The following LARP4B variants were observed in gnomAD, a reference collection of about 807,000 sequenced individuals.
LARP4B encodes la-related protein 4B.
In LARP4B, 12 loss-of-function variants were observed where a neutral mutation model predicts 89.8. The ratio of observed to expected loss-of-function variants is 0.13; its 90% confidence interval spans 0.09 to 0.22. The LOEUF (loss-of-function observed/expected upper bound fraction) is 0.22. Ranked by LOEUF, LARP4B falls within the 10% of genes least tolerant of loss-of-function variation. The pLI is 1.00. For synonymous variants in LARP4B, 367 were observed against 363.3 expected (o/e 1.01, Z -0.12); for missense variants, 757 against 947.7 (o/e 0.80, Z 2.64).
intron 5 of LARP4B, among the ~76,000 whole-genome samples, chr10:863,222 T>C (rs1034853544): frequency 7.0e-6 from 1 of 143,710 alleles, no homozygotes; most frequent in African/African-American, 2.5e-5. Flanking sequence ...ACTAAATAGG[T>C]TTCATTTTTT....
At position 818,021 on chromosome 10, in the gene LARP4B, C is replaced by T. The variant is rs1832154499; in HGVS notation, c.1531-132G>A. 4 of 874,508 alleles carry T rather than the reference C, an allele frequency of 4.6e-6. No individual in the cohort carries two copies. In the South Asian group the frequency reaches 7.2e-5, roughly 16 times the overall value. The allele number at this position is 874,508 out of a possible 1,614,324, so 54.2% of individuals were successfully genotyped here. On this transcript the variant is annotated intron_variant, in intron 14 of 17. Transcript: ENST00000316157. ...CAACCCAGACAAGGGCTTCCTCACT[C>T]AATTGAAGGTTCTCCCAAGCAACTT... is the stretch of plus-strand genomic sequence containing the variant.
At chr10:988,286 A>G in the LARP4B span, 3 of 582,244 alleles carry the variant, frequency 5.2e-6, no homozygotes, top group Non-Finnish European at 9.3e-6. Flanking sequence ...AGGCCCTCAC[A>G]CGCCCTCCGT....
intron 5 of LARP4B, among the ~76,000 whole-genome samples, chr10:853,436 C>T (rs1428622465): frequency 6.6e-6 from 1 of 152,194 alleles, no homozygotes; most frequent in Non-Finnish European, 1.5e-5. Context: ...GCAATCCCAG[C>T]ACTTTGGGAG....
At chr10:933,739 G>A (rs1003400319), upstream of LARP4B, among the ~76,000 whole-genome samples, 1 of 152,072 alleles carries the variant, frequency 6.6e-6, no homozygotes, top group African/African-American at 2.4e-5. Context: ...TTACCTCCAC[G>A]GATAACCTAC....
At chr10:913,615 T>C (rs913355583) in intron 1 of LARP4B, among the ~76,000 whole-genome samples, 1 of 152,246 alleles carries the variant, frequency 6.6e-6, no homozygotes, top group Admixed American at 6.5e-5. Context: ...TAACTTTGTT[T>C]AATGAACTAT....
chr10:983,528 C>T, the LARP4B span, among the ~76,000 whole-genome samples: 1 of 152,180 alleles, frequency 6.6e-6, no homozygotes. Context: ...CTCTTCCTGG[C>T]TTGTGGAAAG....
the LARP4B span, among the ~76,000 whole-genome samples, chr10:943,766 AGGAGGGCCCGGGTCG>A: frequency 6.6e-6 from 1 of 151,820 alleles, no homozygotes; most frequent in African/African-American, 2.4e-5. Flanking sequence ...GGCCCAGGTC[AGGAGGGCCCGGGTCG>A]GGAGGGCCCG....
At chr10:858,229 C>G (rs942147803) in intron 5 of LARP4B, among the ~76,000 whole-genome samples, 2 of 152,034 alleles carry the variant, frequency 1.3e-5, no homozygotes, top group Non-Finnish European at 2.9e-5. Context: ...AAGAGAGGGC[C>G]GAGAAAGAAA....
chr10:845,109 G>A, intron 5 of LARP4B, 54 bp from the exon 6 acceptor site: 2 of 1,332,114 alleles, frequency 1.5e-6, no homozygotes, highest in East Asian at 2.3e-5. Context: ...TTAGGAAGCA[G>A]ATAATTCAGT....
At chr10:842,279 C>A (rs1015280213) in intron 7 of LARP4B, among the ~76,000 whole-genome samples, 2 of 151,948 alleles carry the variant, frequency 1.3e-5, no homozygotes, top group Non-Finnish European at 2.9e-5. Context: ...CTAACTGCAA[C>A]CTCCGCCTCC....
the LARP4B span, among the ~76,000 whole-genome samples, chr10:952,390 A>G: frequency 2.0e-5 from 3 of 146,900 alleles, no homozygotes; most frequent in African/African-American, 7.5e-5. Flanking sequence ...GTCCAGAACC[A>G]ACTGCATAAC....
chr10:876,311 C>A (rs1390720818), intron 3 of LARP4B, among the ~76,000 whole-genome samples: 1 of 151,854 alleles, frequency 6.6e-6, no homozygotes, highest in African/African-American at 2.4e-5. Context: ...TTGAACCCAG[C>A]GGGTCAGAGG....
At chr10:975,832 G>A in the LARP4B span, among the ~76,000 whole-genome samples, 3 of 149,404 alleles carry the variant, frequency 2.0e-5, no homozygotes, top group South Asian at 2.1e-4. Context: ...CTCGCGCAAC[G>A]TGTGGACCCG....
chr10:824,554 A>G (rs921736127), intron 13 of LARP4B, among the ~76,000 whole-genome samples: 1 of 152,232 alleles, frequency 6.6e-6, no homozygotes, highest in Non-Finnish European at 1.5e-5. Flanking sequence ...TGCCAAAAAA[A>G]TGTTAAACAA....
intron 3 of LARP4B, among the ~76,000 whole-genome samples, chr10:878,516 A>G (rs972971802): frequency 6.6e-6 from 1 of 152,230 alleles, no homozygotes; most frequent in African/African-American, 2.4e-5. Flanking sequence ...TAATTGTGAC[A>G]TGTCTTCGAA....
chr10:961,935 CCT>C, the LARP4B span, among the ~76,000 whole-genome samples: 2 of 152,090 alleles, frequency 1.3e-5, no homozygotes, highest in African/African-American at 4.8e-5. Context: ...GCAACTTCTC[CCT>C]GTGTCTTCCT....
chr10:936,573 AT>A (rs1385761892), upstream of LARP4B, among the ~76,000 whole-genome samples: 1 of 152,190 alleles, frequency 6.6e-6, no homozygotes, highest in African/African-American at 2.4e-5. Flanking sequence ...ATACAAAAAA[AT>A]TAGCTGGGCG....
chr10:944,057 A>G, the LARP4B span, among the ~76,000 whole-genome samples: 5 of 152,216 alleles, frequency 3.3e-5, no homozygotes, highest in African/African-American at 1.2e-4. Context: ...GAAATGAACC[A>G]AAGACACCTT....
chr10:891,181 A>G (rs1310460345), intron 1 of LARP4B, among the ~76,000 whole-genome samples: 1 of 152,084 alleles, frequency 6.6e-6, no homozygotes, highest in Non-Finnish European at 1.5e-5. Flanking sequence ...ACATGTGATC[A>G]TGACCCTAAA....
Sources: gnomAD v4.1 joint callset for allele counts (sites outside exome capture counted in the v4.1 genomes callset) on GRCh38, gnomAD v4.1.1 for gene constraint, MANE v1.5 for transcripts, NCBI Gene and HGNC (gene_info 2026-07-23, HGNC 2026-07-21) for gene names.